CSMD1: variants seen among roughly 807,000 people sequenced by gnomAD.
CSMD1 encodes CUB and sushi domain-containing protein 1.
CSMD1 carries 213 observed loss-of-function variants against 417.5 expected under a neutral mutation model. The observed-to-expected ratio is 0.51, with a 90% CI of 0.46 to 0.57. The LOEUF is 0.57. CSMD1 is among the 20% of genes least tolerant of loss of function. The pLI is 0.00. For synonymous variants in CSMD1, 2,862 were observed against 1,736.8 expected, an observed-to-expected ratio of 1.65 and a Z score of -16.11; for missense variants, 6,923 against 4,529.7, an observed-to-expected ratio of 1.53 and a Z score of -15.17.
intron 23 of CSMD1, among the ~76,000 whole-genome samples, chr8:3,334,962 AAC>A (rs760391199): frequency 2.0e-5 from 3 of 152,188 alleles, no homozygotes; most frequent in Non-Finnish European, 4.4e-5. Flanking sequence ...CCTTCTCCAA[AAC>A]ACAACTCTTG....
At chr8:4,048,520 A>C (rs931728923) in intron 3 of CSMD1, among the ~76,000 whole-genome samples, 1 of 152,194 alleles carries the variant, frequency 6.6e-6, no homozygotes, top group African/African-American at 2.4e-5. Flanking sequence ...GTTAAGGAAC[A>C]TCCCTCAGGT....
Position 2,935,493 on chromosome 8 carries a change from T to G in CSMD1, c.*3092A>C, listed in dbSNP as rs1801391502. ...TTCATTTTAACAGGCCACTTTAATA[T>G]TAATACATGTGTAATAGGATTGGAA... On this transcript the variant is annotated 3_prime_UTR_variant, in exon 70 of 70. Transcript: ENST00000635120. 1 of 152,246 alleles carries G rather than the reference T, an allele frequency of 6.6e-6. No individual in the cohort carries two copies. The highest frequency in any genetic ancestry group is 1.5e-5 in the Non-Finnish European group (1 of 68,054). 9.4% of individuals were successfully genotyped at this position (152,246 alleles called of 1,614,324 possible). A position where few individuals can be genotyped will look rare whatever the true frequency, so the allele number is the denominator to read the frequency against.
chr8:4,010,479 CCT>C (rs2130431174), intron 4 of CSMD1, among the ~76,000 whole-genome samples: 2 of 152,204 alleles, frequency 1.3e-5, no homozygotes, highest in East Asian at 1.9e-4. Context: ...TTAATTCTCC[CCT>C]CTCTTCCAAC....
rs1445214938 is a variant in CSMD1, at chr8:3,605,547, G to T, written c.1097+11163C>A. ...AGCAGTTGTTTATCACAACACATGG[G>T]CTATGGATTTGTTTCTGCTTCTTAT... On this transcript the variant is annotated intron_variant, in intron 8 of 69. Coordinates refer to ENST00000635120, the MANE Select transcript of CSMD1 (RefSeq NM_033225.6). Among the ~76,000 whole-genome samples the T allele has an allele frequency of 2.0e-5, 3 of 152,144 alleles. No homozygotes were observed. The East Asian group carries it at 5.8e-4, about 29-fold the overall frequency.
intron 3 of CSMD1, among the ~76,000 whole-genome samples, chr8:4,288,068 C>T (rs1350425779): frequency 6.6e-6 from 1 of 152,132 alleles, no homozygotes; most frequent in Non-Finnish European, 1.5e-5. Context: ...GGATATAAAA[C>T]TTCTTTACTT....
chr8:3,258,621 A>T (rs139373347), intron 26 of CSMD1, among the ~76,000 whole-genome samples: 5 of 152,194 alleles, frequency 3.3e-5, no homozygotes, highest in African/African-American at 1.2e-4. Flanking sequence ...AAATCATTCT[A>T]TTATAAAGAC....
intron 5 of CSMD1, among the ~76,000 whole-genome samples, chr8:3,790,511 G>C (rs187607826): frequency 1.3e-5 from 2 of 152,104 alleles, no homozygotes; most frequent in Non-Finnish European, 2.9e-5. Flanking sequence ...TAATTATGAC[G>C]GTGATAACCG....
intron 3 of CSMD1, among the ~76,000 whole-genome samples, chr8:4,200,595 G>A (rs1799589330): frequency 6.6e-6 from 1 of 152,146 alleles, no homozygotes; most frequent in South Asian, 2.1e-4. Context: ...GGAGGCTCAT[G>A]CCTGAAATCC....
chr8:4,333,522 G>C (rs1267212206), intron 3 of CSMD1, among the ~76,000 whole-genome samples: 2 of 152,140 alleles, frequency 1.3e-5, no homozygotes, highest in Non-Finnish European at 2.9e-5. Context: ...ATTTCATAAA[G>C]TGCTTAAACA....
chr8:3,271,489 C>T (rs1336172453), intron 26 of CSMD1, among the ~76,000 whole-genome samples: 1 of 146,422 alleles, frequency 6.8e-6, no homozygotes, highest in African/African-American at 2.6e-5. Context: ...TTCTAGATCC[C>T]TGACGAATGT....
At chr8:4,440,069 A>G (rs1798379866) in intron 2 of CSMD1, among the ~76,000 whole-genome samples, 1 of 152,162 alleles carries the variant, frequency 6.6e-6, no homozygotes, top group Non-Finnish European at 1.5e-5. Context: ...ACAGTTTAAA[A>G]CACTGTTTTT....
chr8:4,903,397 A>C (rs975839927), intron 1 of CSMD1, among the ~76,000 whole-genome samples: 1 of 152,184 alleles, frequency 6.6e-6, no homozygotes, highest in African/African-American at 2.4e-5. Context: ...TGTCTTTAAA[A>C]CGAAGTCCAA....
intron 5 of CSMD1, among the ~76,000 whole-genome samples, chr8:3,784,200 G>C (rs1799326589): frequency 1.3e-5 from 2 of 151,946 alleles, no homozygotes; most frequent in Non-Finnish European, 2.9e-5. Flanking sequence ...GAAAGGGGTG[G>C]GTACCCAATA....
intron 3 of CSMD1, among the ~76,000 whole-genome samples, chr8:4,320,377 C>T (rs149785030): frequency 1.7e-3 from 256 of 152,038 alleles, no homozygotes; most frequent in African/African-American, 5.8e-3. Context: ...TATTATTATA[C>T]TTTAAGTTGT....
chr8:2,956,251 T>A (rs1008919583), intron 63 of CSMD1, among the ~76,000 whole-genome samples: 1 of 152,032 alleles, frequency 6.6e-6, no homozygotes, highest in African/African-American at 2.4e-5. Flanking sequence ...AATTAATTAT[T>A]TTGATAAAAC....
chr8:4,419,593 A>C (rs1331376826), intron 3 of CSMD1, among the ~76,000 whole-genome samples: 10 of 152,216 alleles, frequency 6.6e-5, no homozygotes, highest in Admixed American at 6.6e-4. Flanking sequence ...TATCAGTATA[A>C]TTGTCCAACC....
intron 7 of CSMD1, among the ~76,000 whole-genome samples, chr8:3,679,575 C>T (rs1799546652): frequency 6.6e-6 from 1 of 152,262 alleles, no homozygotes; most frequent in Non-Finnish European, 1.5e-5. Flanking sequence ...GACTCCCACA[C>T]AATAATAATG....
chr8:4,578,651 C>T (rs917868557), intron 2 of CSMD1, among the ~76,000 whole-genome samples: 1 of 150,618 alleles, frequency 6.6e-6, no homozygotes, highest in Admixed American at 6.6e-5. Context: ...CCCATCTCTA[C>T]CAAAAATACA....
At chr8:3,596,957 C>T (rs905332336) in intron 8 of CSMD1, among the ~76,000 whole-genome samples, 1 of 152,148 alleles carries the variant, frequency 6.6e-6, no homozygotes, top group East Asian at 1.9e-4. Flanking sequence ...CACACTTCTG[C>T]CTGCCTTGTT....
Sources: gnomAD v4.1 joint callset for allele counts (sites outside exome capture counted in the v4.1 genomes callset) on GRCh38, gnomAD v4.1.1 for gene constraint, MANE v1.5 for transcripts, NCBI Gene and HGNC (gene_info 2026-07-23, HGNC 2026-07-21) for gene names.